MYH14: variants seen among roughly 807,000 people sequenced by gnomAD.
MYH14 encodes myosin heavy chain 14, also known as myosin-14.
MYH14 carries 123 observed loss-of-function variants against 255.5 expected under a neutral mutation model. The observed-to-expected ratio is 0.48, with a 90% CI of 0.42 to 0.56. The LOEUF (loss-of-function observed/expected upper bound fraction) is 0.56. Ranked by LOEUF, MYH14 falls within the 20% of genes least tolerant of loss-of-function variation. MYH14 has a pLI of 0.00. For missense variants in MYH14, 2,423 were observed against 2,802.3 expected (o/e 0.86, Z 3.06); for synonymous variants, 1,095 against 1,161.2 (o/e 0.94, Z 1.16).
At chr19:50,229,291 T>C (rs1260339272) in intron 8 of MYH14, among the ~76,000 whole-genome samples, 1 of 152,104 alleles carries the variant, frequency 6.6e-6, no homozygotes, top group Non-Finnish European at 1.5e-5. Context: ...ATGAGTGTGG[T>C]GGTGCATGAG....
At chr19:50,226,515 G>A (rs188639235) in intron 7 of MYH14, among the ~76,000 whole-genome samples, 34 of 150,674 alleles carry the variant, frequency 2.3e-4, no homozygotes, top group African/African-American at 7.8e-4. Flanking sequence ...CCCTGGGTCT[G>A]AAGGAGGAGG....
At chr19:50,237,436 C>T (rs549816632) in intron 10 of MYH14, among the ~76,000 whole-genome samples, 1 of 152,182 alleles carries the variant, frequency 6.6e-6, no homozygotes, top group African/African-American at 2.4e-5. Context: ...AACAATTCTC[C>T]TACCTCAGCC....
At chr19:50,244,941 C>T (rs1313969514) in intron 11 of MYH14, among the ~76,000 whole-genome samples, 1 of 152,202 alleles carries the variant, frequency 6.6e-6, no homozygotes, top group African/African-American at 2.4e-5. Context: ...CAGGGAGCCA[C>T]CATTAGCATT....
At chr19:50,249,375 CCCTCTCTCTCTGGGTCTCTGT>C in intron 13 of MYH14, 1 of 632,012 alleles carries the variant, frequency 1.6e-6, no homozygotes, top group East Asian at 2.8e-5. Flanking sequence ...GTCTCTGTCC[CCCTCTCTCTCTGGGTCTCTGT>C]CCTCTCTCTC....
At chr19:50,251,647 G>A (rs544733168) in intron 15 of MYH14, among the ~76,000 whole-genome samples, 3 of 151,124 alleles carry the variant, frequency 2.0e-5, no homozygotes, top group East Asian at 1.9e-4. Flanking sequence ...GCACGATCTC[G>A]GCTCACTGCA....
At chr19:50,224,058 CATGCCA>C in intron 5 of MYH14, 90 bp from the exon 6 acceptor site, 3 of 981,272 alleles carry the variant, frequency 3.1e-6, no homozygotes, top group Admixed American at 1.8e-5. Flanking sequence ...CCCCACCCCC[CATGCCA>C]CCACCTGAGA....
At chr19:50,238,356 C>A (rs1331851615) in intron 10 of MYH14, among the ~76,000 whole-genome samples, 1 of 152,230 alleles carries the variant, frequency 6.6e-6, no homozygotes, top group Non-Finnish European at 1.5e-5. Context: ...TGGACGGGGT[C>A]TAAGCTGATG....
intron 39 of MYH14, among the ~76,000 whole-genome samples, chr19:50,294,973 C>T (rs575927923): frequency 2.6e-5 from 4 of 151,328 alleles, no homozygotes; most frequent in Admixed American, 2.6e-4. Context: ...CACCAAAGAA[C>T]CTTGATATAG....
At chr19:50,222,803 T>C (rs539270517) in intron 3 of MYH14, among the ~76,000 whole-genome samples, 135 of 152,268 alleles carry the variant, frequency 8.9e-4, no homozygotes, top group African/African-American at 3.2e-3. Context: ...GTTGAGGTCG[T>C]TGAATGAATC....
chr19:50,240,631 A>C (rs562304182), intron 10 of MYH14, among the ~76,000 whole-genome samples: 123 of 151,444 alleles, frequency 8.1e-4, no homozygotes, highest in Middle Eastern at 3.5e-3. Flanking sequence ...ATGGAAGCAC[A>C]GAAATTAAAA....
chr19:50,216,127 A>G (rs1366825186), intron 2 of MYH14, among the ~76,000 whole-genome samples: 1 of 152,192 alleles, frequency 6.6e-6, no homozygotes, highest in African/African-American at 2.4e-5. Context: ...GTGAGTGTTG[A>G]GCCCCTCTTG....
At chr19:50,220,283 A>G (rs2032746958) in intron 3 of MYH14, among the ~76,000 whole-genome samples, 2 of 151,370 alleles carry the variant, frequency 1.3e-5, no homozygotes, top group African/African-American at 2.4e-5. Context: ...TTAAATTTAT[A>G]TATTTGATTA....
chr19:50,217,472 A>T (rs1256417385), intron 2 of MYH14, 143 bp from the exon 3 acceptor site: 3 of 978,592 alleles, frequency 3.1e-6, no homozygotes. Context: ...CATAACAAAC[A>T]TTCAAATCTA....
rs2035721494 is a variant in MYH14 at position 50,281,608 on chromosome 19, G to A, written c.4305G>A (p.Arg1435=). Residue 1435 remains arginine (R), a synonymous_variant, in exon 33 of 43, where the codon CGG becomes CGA. Coordinates refer to ENST00000642316, the MANE Select transcript of MYH14 (RefSeq NM_001145809.2). The part of the protein sequence containing the change: ...QTAQAQLSEW[R]RRQEEEAGAL... ...CCTCCCCTCAGCTTTCCGAGTGGCG[G>A]CGGCGCCAGGAGGAGGAGGCAGGGG... is the stretch of plus-strand genomic sequence containing the variant. 1 of 1,589,780 alleles carries A rather than the reference G, an allele frequency of 6.3e-7. No homozygotes were observed. Among genetic ancestry groups the A allele is most frequent in the Non-Finnish European group, 8.6e-7 (1 of 1,167,636 alleles).
rs1000307439 is a variant in MYH14 at position 50,307,074 on chromosome 19, G to T, written c.5704G>T (p.Val1902Leu). The change falls in exon 41 of 43, where the codon GTG becomes TTG. Residue 1902 changes from valine to leucine, a missense_variant. By Grantham distance (32) the Val-to-Leu change is conservative. Coordinates refer to ENST00000642316, the MANE Select transcript of MYH14 (RefSeq NM_001145809.2). The part of the protein sequence containing the change: ...TRERILSGKL[V>L]RRAEKRLKEV... ...AGAGCGCATCCTCTCTGGAAAGCTG[G>T]TGCGCAGAGCTGAGAAGCGGCTTAA... The T allele has an allele frequency of 1.7e-5, 27 of 1,551,038 alleles. No individual in the cohort carries two copies. Among genetic ancestry groups the T allele is most frequent in the Non-Finnish European group, 2.4e-5 (27 of 1,146,902 alleles).
chr19:50,259,094 GC>G, intron 18 of MYH14, 49 bp from the exon 19 acceptor site: 7 of 1,525,580 alleles, frequency 4.6e-6, no homozygotes, highest in Non-Finnish European at 4.4e-6. Context: ...ACCGTTTGGC[GC>G]CCCCGTGTGG....
In MYH14 at chr19:50,224,140, C is replaced by T. The variant is rs1318045096; in HGVS notation, c.694-14C>T. 11 of 1,613,234 alleles carry T rather than the reference C, an allele frequency of 6.8e-6. No individual in the cohort carries two copies. Among genetic ancestry groups the T allele is most frequent in the Non-Finnish European group, 4.2e-6 (5 of 1,179,546 alleles). On this transcript the variant is annotated splice_polypyrimidine_tract_variant and intron_variant, in intron 5 of 42. Coordinates refer to ENST00000642316, the MANE Select transcript of MYH14 (RefSeq NM_001145809.2). ...GTGTCCTGGTCCGTGTCTCGTGTCCCGTGACTTCCTCAGGCCTCCGTCAGC... is the reference window on the plus strand; with the variant it reads ...GTGTCCTGGTCCGTGTCTCGTGTCCTGTGACTTCCTCAGGCCTCCGTCAGC...
intron 10 of MYH14, among the ~76,000 whole-genome samples, chr19:50,232,755 TG>T (rs1483250501): frequency 6.6e-6 from 1 of 151,086 alleles, no homozygotes; most frequent in Non-Finnish European, 1.5e-5. Context: ...ACTGGAGATG[TG>T]GGGGAAGAGC....
At position 50,272,605 on chromosome 19, in the gene MYH14, T is replaced by A. The variant is rs1378647099; in HGVS notation, c.3341T>A (p.Leu1114Gln). 1 of 1,581,644 alleles carries A rather than the reference T, an allele frequency of 6.3e-7. No individual in the cohort carries two copies. The highest frequency in any genetic ancestry group is 8.6e-7 in the Non-Finnish European group (1 of 1,164,932). Residue 1114 changes from leucine to glutamine, a missense_variant, in exon 27 of 43, where the codon CTG (leucine) becomes CAG (glutamine). Coordinates refer to ENST00000642316, the MANE Select transcript of MYH14 (RefSeq NM_001145809.2). The part of the protein sequence containing the change: ...EEKGRQELEK[L>Q]KRRLDGESSE... ...AAGGGTCGCCAGGAGCTGGAGAAGC[T>A]GAAGCGGAGGCTGGATGGGGAGAGC...
Sources: allele counts gnomAD v4.1 joint callset (sites outside exome capture counted in the v4.1 genomes callset), GRCh38; gene constraint gnomAD v4.1.1; transcripts MANE v1.5; gene names NCBI Gene and HGNC (gene_info 2026-07-23, HGNC 2026-07-21).